VWC2L: variants seen among roughly 807,000 people sequenced by gnomAD.
VWC2L encodes the protein von Willebrand factor C domain-containing protein 2-like.
Under a neutral mutation model 21.6 loss-of-function variants are expected in VWC2L, and 10 were observed. That is an observed-to-expected ratio of 0.46 (90% confidence interval 0.29 to 0.78). The LOEUF (loss-of-function observed/expected upper bound fraction) is 0.78, where lower values mean the gene tolerates loss of function less well. VWC2L is among the 30% of genes least tolerant of loss of function. The pLI is 0.10. For missense variants in VWC2L, 209 were observed against 277.1 expected (o/e 0.75, Z 1.74); for synonymous variants, 96 against 94.3 (o/e 1.02, Z -0.10).
intron 3 of VWC2L, among the ~76,000 whole-genome samples, chr2:214,437,884 G>A (rs1466481961): frequency 6.6e-6 from 1 of 151,982 alleles, no homozygotes; most frequent in Non-Finnish European, 1.5e-5. Context: ...AAACCTTTGT[G>A]ACATTTTCCA....
chr2:214,480,864 CAAAA>C (rs59720596), intron 3 of VWC2L, among the ~76,000 whole-genome samples: 34 of 71,758 alleles, frequency 4.7e-4, no homozygotes, highest in African/African-American at 1.7e-3. Flanking sequence ...TATGCCAAGC[CAAAA>C]AAAAAAAAAA....
chr2:214,463,271 G>T (rs1172180660), intron 3 of VWC2L, among the ~76,000 whole-genome samples: 1 of 151,954 alleles, frequency 6.6e-6, no homozygotes, highest in East Asian at 1.9e-4. Context: ...TTTGCTTCTA[G>T]TACTTTGAAG....
intron 3 of VWC2L, among the ~76,000 whole-genome samples, chr2:214,561,984 TTTTTC>T (rs1225609779): frequency 6.6e-6 from 1 of 151,922 alleles, no homozygotes; most frequent in Non-Finnish European, 1.5e-5. Context: ...ATCTGATGTG[TTTTTC>T]TTTTTTTAAT....
Position 214,550,516 on chromosome 2 carries a change from C to T in VWC2L, c.521-25156C>T, listed in dbSNP as rs183995732. Among the ~76,000 whole-genome samples the T allele has an allele frequency of 7.2e-5, 11 of 152,284 alleles. No homozygotes were observed. The East Asian group carries it at 1.7e-3, about 24-fold the overall frequency. On this transcript the variant is annotated intron_variant, in intron 3 of 3. Transcript: ENST00000312504. ...ACCTGCCACATATCATCTCTTTCTG[C>T]TTCCTCTTCCTTGAACCTGTTTTGT...
At chr2:214,568,819 G>C (rs181060850) in intron 3 of VWC2L, among the ~76,000 whole-genome samples, 3 of 152,228 alleles carry the variant, frequency 2.0e-5, no homozygotes, top group Admixed American at 1.3e-4. Flanking sequence ...TCCAGGGTTG[G>C]TTTTGTTGCT....
rs139916425 is a variant in VWC2L, at chr2:214,521,960, G to A, written c.521-53712G>A. Among the ~76,000 whole-genome samples, 245 of 152,316 alleles carry A rather than the reference G, an allele frequency of 1.6e-3. 1 individual carries two copies. Among genetic ancestry groups the A allele is most frequent in the African/African-American group, 5.7e-3 (237 of 41,570 alleles). ...ATTAGCATTAATCTTAATAGCTTTTGAGAACATAGCAGGCAGGAAGCAGTG... is the reference window on the plus strand; with the variant it reads ...ATTAGCATTAATCTTAATAGCTTTTAAGAACATAGCAGGCAGGAAGCAGTG... On this transcript the variant is annotated intron_variant, in intron 3 of 3. Transcript: ENST00000312504.
chr2:214,478,947 C>T (rs1311716619), intron 3 of VWC2L, among the ~76,000 whole-genome samples: 2 of 152,206 alleles, frequency 1.3e-5, no homozygotes, highest in African/African-American at 4.8e-5. Flanking sequence ...TCTGCCGCCT[C>T]ATTAGGCTTG....
chr2:214,434,976 T>C (rs2126178121), intron 2 of VWC2L, among the ~76,000 whole-genome samples: 1 of 152,264 alleles, frequency 6.6e-6, no homozygotes, highest in South Asian at 2.1e-4. Flanking sequence ...TCCCCCATAC[T>C]GGCAGTAAAT....
intron 3 of VWC2L, among the ~76,000 whole-genome samples, chr2:214,542,611 G>A (rs765681405): frequency 2.0e-4 from 30 of 152,292 alleles, no homozygotes; most frequent in African/African-American, 5.5e-4. Context: ...ACGCAGTGAC[G>A]GGGTGCCCTA....
In VWC2L at chr2:214,575,060, C is replaced by A. The variant is rs776860460; in HGVS notation, c.521-612C>A. Among the ~76,000 whole-genome samples the A allele has an allele frequency of 1.6e-3, 232 of 144,590 alleles. 1 individual carries two copies. The highest frequency in any genetic ancestry group is 3.1e-3 in the Non-Finnish European group (206 of 66,766). The allele number at this position is 144,590 out of a possible 152,430, so 94.9% of individuals were successfully genotyped here. A position where few individuals can be genotyped will look rare whatever the true frequency, so the allele number is the denominator to read the frequency against. On this transcript the variant is annotated intron_variant, in intron 3 of 3. Transcript: ENST00000312504. ...AAAAAAAAAAAAAAAAAAAAAAGAG[C>A]CAGCAGATTAAAGGAAGTCCATTTA...
chr2:214,450,192 AGAGGAAAGCACGT>A (rs1217798264), intron 3 of VWC2L, among the ~76,000 whole-genome samples: 9 of 152,220 alleles, frequency 5.9e-5, no homozygotes, highest in Non-Finnish European at 1.0e-4. Flanking sequence ...TCTGCAGTGA[AGAGGAAAGCACGT>A]GAGCCTTTCA....
At chr2:214,514,346 C>G (rs1689107093) in intron 3 of VWC2L, among the ~76,000 whole-genome samples, 1 of 151,296 alleles carries the variant, frequency 6.6e-6, no homozygotes, top group African/African-American at 2.4e-5. Context: ...TTTTTTCGTT[C>G]TTAACATAAT....
chr2:214,511,919 T>TACACAC (rs67983945), intron 3 of VWC2L, among the ~76,000 whole-genome samples: 2,044 of 145,332 alleles, frequency 0.014, 49 homozygotes, highest in African/African-American at 0.048. Context: ...TATATACATA[T>TACACAC]ACACACACAC....
chr2:214,556,208 C>T lies in VWC2L; in HGVS notation c.521-19464C>T, dbSNP rs1047358958. 1.1e-4 allele frequency among the ~76,000 whole-genome samples: 16 copies of T among 152,110 alleles called. 1 individual carries two copies. Among genetic ancestry groups the T allele is most frequent in the African/African-American group, 3.6e-4 (15 of 41,426 alleles). On this transcript the variant is annotated intron_variant, in intron 3 of 3. Coordinates refer to ENST00000312504, the MANE Select transcript of VWC2L (RefSeq NM_001080500.4). ...TTGGGACACGGAGGTTGCAATGAAC[C>T]GAGACTGTGCCACTGCCCTCCAGCC...
At chr2:214,520,058 T>TACACGCACAC (rs1689208018) in intron 3 of VWC2L, among the ~76,000 whole-genome samples, 2 of 143,152 alleles carry the variant, frequency 1.4e-5, no homozygotes, top group Non-Finnish European at 3.0e-5. Flanking sequence ...GCTCCTGTTA[T>TACACGCACAC]ACACACACAC....
At chr2:214,445,069 T>C (rs1402143878) in intron 3 of VWC2L, among the ~76,000 whole-genome samples, 1 of 151,834 alleles carries the variant, frequency 6.6e-6, no homozygotes, top group East Asian at 1.9e-4. Context: ...TCATGTTGAG[T>C]AGTTAGGTTA....
intron 3 of VWC2L, among the ~76,000 whole-genome samples, chr2:214,454,595 TTTC>T (rs1182492783): frequency 3.7e-5 from 5 of 135,368 alleles, no homozygotes; most frequent in Non-Finnish European, 6.2e-5. Context: ...ATTGATTGAT[TTTC>T]TTTTTTTTTT....
intron 3 of VWC2L, among the ~76,000 whole-genome samples, chr2:214,518,397 A>G (rs1347791686): frequency 6.6e-6 from 1 of 152,228 alleles, no homozygotes; most frequent in Non-Finnish European, 1.5e-5. Flanking sequence ...ACACATAATA[A>G]ACATTAAATG....
At chr2:214,530,853 C>G (rs983101184) in intron 3 of VWC2L, among the ~76,000 whole-genome samples, 3 of 152,060 alleles carry the variant, frequency 2.0e-5, no homozygotes, top group Admixed American at 1.3e-4. Flanking sequence ...AAAGGGAGAC[C>G]CCTGAAATCT....
Sources: allele counts gnomAD v4.1 joint callset (sites outside exome capture counted in the v4.1 genomes callset), GRCh38; gene constraint gnomAD v4.1.1; transcripts MANE v1.5; gene names NCBI Gene and HGNC (gene_info 2026-07-23, HGNC 2026-07-21).